Variants in FBXW12 observed in about 807,000 individuals in gnomAD.
FBXW12 encodes F-box/WD repeat-containing protein 12.
Under a neutral mutation model 55.3 loss-of-function variants are expected in FBXW12, and 43 were observed. That is an observed-to-expected ratio of 0.78 (90% CI 0.61 to 1.00). The LOEUF (loss-of-function observed/expected upper bound fraction) is 1.00. FBXW12 is among the 50% of genes least tolerant of loss of function. The probability of loss-of-function intolerance (pLI) is 0.00; values close to 1 mark genes in which losing one functional copy is unlikely to be tolerated. For missense variants in FBXW12, 524 were observed against 560.5 expected, an observed-to-expected ratio of 0.93 and a Z score of 0.66; for synonymous variants, 184 against 203.8, an observed-to-expected ratio of 0.90 and a Z score of 0.83.
chr3:48,381,215 G>C (rs1482027706), intron 8 of FBXW12, among the ~76,000 whole-genome samples: 1 of 151,942 alleles, frequency 6.6e-6, no homozygotes, highest in East Asian at 1.9e-4. Context: ...GTAGAGACAG[G>C]GTTTCACCCT....
Position 48,381,994 on chromosome 3 carries a change from C to G in FBXW12, c.1204C>G (p.His402Asp), listed in dbSNP as rs773290597. Residue 402 changes from histidine (H) to aspartate (D), a missense_variant, in exon 10 of 11, where the codon CAC becomes GAC. By Grantham distance (81) the His-to-Asp change is moderately conservative. Coordinates refer to ENST00000296438, the MANE Select transcript of FBXW12 (RefSeq NM_207102.2). Reference sequence around the variant, plus strand: ...GCTCACCACATCCGAGAACTCTGTGCACGTGTACATGTGGGAAGAAGGAGG... The same window carrying G: ...GCTCACCACATCCGAGAACTCTGTGGACGTGTACATGTGGGAAGAAGGAGG... ...YVLTTSENSV[H>D]VYMWEEGGRH... The G allele has an allele frequency of 6.2e-7, 1 of 1,614,072 alleles. No individual in the cohort carries two copies. Among genetic ancestry groups the G allele is most frequent in the Admixed American group, 1.7e-5 (1 of 60,000 alleles).
intron 10 of FBXW12, among the ~76,000 whole-genome samples, chr3:48,389,436 T>C (rs1195894136): frequency 6.6e-6 from 1 of 152,198 alleles, no homozygotes; most frequent in African/African-American, 2.4e-5. Context: ...TGGAGTACAG[T>C]GGCACAATCT....
intron 9 of FBXW12, 31 bp downstream of exon 9, chr3:48,381,909 A>C (rs561452436): frequency 1.2e-6 from 2 of 1,611,364 alleles, no homozygotes; most frequent in African/African-American, 1.3e-5. Context: ...CTGCTTTTTG[A>C]TCTGACTTTG....
chr3:48,384,907 T>G (rs551494254), intron 10 of FBXW12, among the ~76,000 whole-genome samples: 1 of 152,350 alleles, frequency 6.6e-6, no homozygotes, highest in Admixed American at 6.5e-5. Flanking sequence ...ATTTCATAGA[T>G]GTATATATTG....
In FBXW12 at chr3:48,394,655, C is replaced by T. The variant is rs143318983; in HGVS notation, c.1391C>T (p.Thr464Met). The T allele has an allele frequency of 3.2e-5, 50 of 1,544,828 alleles. No homozygotes were observed. The East Asian group carries it at 4.1e-4, about 13-fold the overall frequency. Residue 464 changes from threonine (T) to methionine (M), a missense_variant, in exon 11 of 11, where the codon ACG becomes ATG. Transcript: ENST00000296438. ...SSILVMYSLN[T>M] ...ATTCTGGTGATGTATTCTTTGAATACGTAATATGGAAACTAACAAAATTGA... is the reference window on the plus strand; with the variant it reads ...ATTCTGGTGATGTATTCTTTGAATATGTAATATGGAAACTAACAAAATTGA...
chr3:48,380,472 C>T (rs1430313107), intron 7 of FBXW12, among the ~76,000 whole-genome samples: 1 of 152,198 alleles, frequency 6.6e-6, no homozygotes, highest in Non-Finnish European at 1.5e-5. Context: ...TTTCATAACA[C>T]CTTAGCATGC....
In FBXW12 at chr3:48,378,373, C is replaced by G; in HGVS notation, c.462C>G (p.Thr154=). 1 of 1,613,992 alleles carries G rather than the reference C, an allele frequency of 6.2e-7. No individual in the cohort carries two copies. The highest frequency in any genetic ancestry group is 2.2e-5 in the East Asian group (1 of 44,866). The part of the protein sequence containing the change: ...VQEFHFSNLV[T]LPQMHLAITM... ...AGTTCCATTTCTCAAATCTGGTAAC[C>G]CTCCCTCAGATGCATCTCGCCATCA... Residue 154 remains threonine, a synonymous_variant, in exon 6 of 11, where the codon ACC becomes ACG. Transcript: ENST00000296438.
intron 6 of FBXW12, among the ~76,000 whole-genome samples, chr3:48,378,929 T>C (rs1052408863): frequency 6.6e-6 from 1 of 152,168 alleles, no homozygotes; most frequent in Non-Finnish European, 1.5e-5. Context: ...CCACATACCC[T>C]GCGAGTCAAT....
intron 6 of FBXW12, 31 bp from the exon 7 acceptor site, chr3:48,379,369 T>C (rs770022216): frequency 6.2e-7 from 1 of 1,607,954 alleles, no homozygotes; most frequent in Non-Finnish European, 8.5e-7. Flanking sequence ...CATATCTTCC[T>C]ATTGATATGG....
At position 48,379,526 on chromosome 3, in the gene FBXW12, G is replaced by T; in HGVS notation, c.742G>T (p.Ala248Ser). The change falls in exon 7 of 11, where the codon GCA becomes TCA. Residue 248 changes from alanine to serine, a missense_variant. Physicochemically the swap from Ala to Ser is moderately conservative, Grantham distance 99. Transcript: ENST00000296438. The stretch of plus-strand genomic sequence containing the variant: ...CTCTCCTGACAAGAAATGGGTATTT[G>T]CATGTGGGACATACAGTCGTACCTT... ...HCSPDKKWVF[A>S]CGTYSRTLPQ... The T allele has an allele frequency of 6.2e-7, 1 of 1,614,136 alleles. No homozygotes were observed. The highest frequency in any genetic ancestry group is 1.1e-5 in the South Asian group (1 of 91,084).
At chr3:48,379,296 T>C (rs1293633716) in intron 6 of FBXW12, 104 bp from the exon 7 acceptor site, 11 of 1,041,118 alleles carry the variant, frequency 1.1e-5, no homozygotes, top group South Asian at 5.7e-5. Flanking sequence ...CATTATGTGA[T>C]TGAAGAAACA....
At chr3:48,384,345 A>G (rs1021713053) in intron 10 of FBXW12, among the ~76,000 whole-genome samples, 1 of 152,208 alleles carries the variant, frequency 6.6e-6, no homozygotes, top group Non-Finnish European at 1.5e-5. Flanking sequence ...TTTCATTACT[A>G]GTATATAGAA....
chr3:48,385,933 AT>A (rs2036842076), intron 10 of FBXW12, among the ~76,000 whole-genome samples: 1 of 152,146 alleles, frequency 6.6e-6, no homozygotes, highest in African/African-American at 2.4e-5. Context: ...TATATGTATA[AT>A]TTGCAAATAT....
At chr3:48,384,595 GAA>G (rs892259729) in intron 10 of FBXW12, among the ~76,000 whole-genome samples, 6 of 152,176 alleles carry the variant, frequency 3.9e-5, no homozygotes, top group African/African-American at 1.4e-4. Flanking sequence ...TCCATTGGAT[GAA>G]AAGTGTTTGG....
chr3:48,389,711 G>A (rs989605887), intron 10 of FBXW12, among the ~76,000 whole-genome samples: 1 of 152,136 alleles, frequency 6.6e-6, no homozygotes, highest in Non-Finnish European at 1.5e-5. Flanking sequence ...CCCACTTACC[G>A]ATTTTTGTTT....
intron 10 of FBXW12, among the ~76,000 whole-genome samples, chr3:48,386,059 G>A (rs1156945632): frequency 6.6e-6 from 1 of 152,128 alleles, no homozygotes; most frequent in African/African-American, 2.4e-5. Context: ...TGCATTTGGG[G>A]TCATATCCGA....
chr3:48,378,804 C>G (rs753234610), intron 6 of FBXW12, among the ~76,000 whole-genome samples: 2 of 151,918 alleles, frequency 1.3e-5, no homozygotes, highest in Non-Finnish European at 2.9e-5. Context: ...TTAGTAGAAA[C>G]TGACCAGGCT....
rs376412624 is a variant in FBXW12 at position 48,372,828 on chromosome 3, G to A, written c.61G>A (p.Gly21Ser). The A allele has an allele frequency of 9.3e-6, 15 of 1,614,012 alleles. No individual in the cohort carries two copies. The highest frequency in any genetic ancestry group is 1.3e-5 in the African/African-American group (1 of 74,898). Residue 21 changes from glycine (G) to serine (S), a missense_variant, in exon 2 of 11, where the codon GGC becomes AGC. Gly to Ser is a moderately conservative substitution (Grantham distance 56, BLOSUM62 0). Coordinates refer to ENST00000296438, the MANE Select transcript of FBXW12 (RefSeq NM_207102.2). ...AATCTTCTCTTTCCTGGACCTGTTCGGCTTGCTGCAGGTTTCCCAGGTGAA... is the reference window on the plus strand; with the variant it reads ...AATCTTCTCTTTCCTGGACCTGTTCAGCTTGCTGCAGGTTTCCCAGGTGAA... ...KRIFSFLDLF[G>S]LLQVSQVNKH...
At chr3:48,378,590 C>G in intron 6 of FBXW12, 64 bp downstream of exon 6, 1 of 1,282,760 alleles carries the variant, frequency 7.8e-7, no homozygotes, top group Admixed American at 1.8e-5. Flanking sequence ...GTCAGGCATC[C>G]GTGTCACATT....
Sources: allele counts gnomAD v4.1 joint callset (sites outside exome capture counted in the v4.1 genomes callset), GRCh38; gene constraint gnomAD v4.1.1; transcripts MANE v1.5; gene names NCBI Gene and HGNC (gene_info 2026-07-23, HGNC 2026-07-21).